DIP2B: variants seen among roughly 807,000 people sequenced by gnomAD.
DIP2B encodes the protein disco-interacting protein 2 homolog B.
DIP2B carries 76 observed loss-of-function variants against 198.0 expected under a neutral mutation model. That is an observed-to-expected ratio of 0.38 (90% CI 0.32 to 0.46). DIP2B has a LOEUF of 0.46. Among genes scored for constraint, DIP2B ranks in the 20% least tolerant of loss-of-function variants. The pLI is 0.99. For missense variants in DIP2B, 1,559 were observed against 1,978.4 expected (o/e 0.79, Z 4.02); for synonymous variants, 701 against 739.1 (o/e 0.95, Z 0.84).
intron 23 of DIP2B, among the ~76,000 whole-genome samples, chr12:50,716,814 C>T (rs890596143): frequency 2.0e-5 from 3 of 151,998 alleles, no homozygotes; most frequent in African/African-American, 7.2e-5. Flanking sequence ...AGGCGGATGA[C>T]CATGAAGAGA....
At chr12:50,660,969 TC>T (rs1206420077) in intron 4 of DIP2B, among the ~76,000 whole-genome samples, 4 of 152,174 alleles carry the variant, frequency 2.6e-5, no homozygotes, top group Admixed American at 6.5e-5. Flanking sequence ...CAGACTTCAA[TC>T]CTTATGCTCC....
chr12:50,644,975 G>C (rs936548406), intron 3 of DIP2B, among the ~76,000 whole-genome samples: 1 of 152,054 alleles, frequency 6.6e-6, no homozygotes, highest in Non-Finnish European at 1.5e-5. Context: ...TTTTAAGACA[G>C]CTAGGAATCA....
chr12:50,625,094 T>C (rs1309505810), intron 1 of DIP2B, among the ~76,000 whole-genome samples: 1 of 152,208 alleles, frequency 6.6e-6, no homozygotes, highest in Non-Finnish European at 1.5e-5. Flanking sequence ...TCACAGTAAA[T>C]AAAGTTATCT....
chr12:50,545,320 C>A (rs962260060), intron 1 of DIP2B, among the ~76,000 whole-genome samples: 1 of 150,404 alleles, frequency 6.6e-6, no homozygotes. Flanking sequence ...TCCTCCCTTC[C>A]TCCCTTCATC....
chr12:50,684,420 A>G (rs922032681), intron 10 of DIP2B, among the ~76,000 whole-genome samples: 12 of 152,218 alleles, frequency 7.9e-5, no homozygotes, highest in African/African-American at 2.7e-4. Context: ...TCCATGAGCC[A>G]CTTGATGCTA....
intron 1 of DIP2B, among the ~76,000 whole-genome samples, chr12:50,542,998 G>T (rs2139376922): frequency 6.6e-6 from 1 of 152,124 alleles, no homozygotes; most frequent in East Asian, 1.9e-4. Context: ...CTCCTAAGTA[G>T]CTGGGACTAC....
At chr12:50,686,435 A>C in intron 11 of DIP2B, 138 bp from the exon 12 acceptor site, 1 of 734,688 alleles carries the variant, frequency 1.4e-6, no homozygotes, top group Non-Finnish European at 2.2e-6. Context: ...TTGCCACTAA[A>C]AACTAATAAA....
Position 50,675,254 on chromosome 12 carries a change from GCTC to G in DIP2B, c.797-72_797-70del, listed in dbSNP as rs1938926467. ...ACGCCAAACATCCTTAGAAATAAAA[GCTC>G]CTGAGGGAACTGAGGAACTAAAATA... On this transcript the variant is annotated intron_variant, in intron 6 of 37. Transcript: ENST00000301180. 1.3e-5 allele frequency: 20 copies of G among 1,537,128 alleles called. 1 individual carries two copies. In the South Asian group the frequency reaches 1.9e-4, roughly 15 times the overall value.
chr12:50,577,844 C>T (rs889895666), intron 1 of DIP2B, among the ~76,000 whole-genome samples: 2 of 151,674 alleles, frequency 1.3e-5, no homozygotes, highest in African/African-American at 4.8e-5. Flanking sequence ...TTGGAAGAGT[C>T]AGGAGTACAG....
chr12:50,511,821 A>C (rs1211115674), intron 1 of DIP2B, among the ~76,000 whole-genome samples: 1 of 150,632 alleles, frequency 6.6e-6, no homozygotes, highest in Non-Finnish European at 1.5e-5. Flanking sequence ...GGTGGCTTGC[A>C]CCTGTAGTCC....
At chr12:50,533,158 AG>A (rs1463916983) in intron 1 of DIP2B, among the ~76,000 whole-genome samples, 1 of 152,230 alleles carries the variant, frequency 6.6e-6, no homozygotes, top group Non-Finnish European at 1.5e-5. Flanking sequence ...AGAATATTAA[AG>A]TGTCCATTTT....
intron 1 of DIP2B, among the ~76,000 whole-genome samples, chr12:50,548,940 C>T (rs1958400848): frequency 6.6e-6 from 1 of 152,198 alleles, no homozygotes; most frequent in Admixed American, 6.5e-5. Flanking sequence ...GTGCAGTTTT[C>T]TAGTGTTGCA....
At chr12:50,654,840 G>A (rs1938527138) in intron 3 of DIP2B, among the ~76,000 whole-genome samples, 1 of 152,190 alleles carries the variant, frequency 6.6e-6, no homozygotes, top group African/African-American at 2.4e-5. Flanking sequence ...ATTCTTAGCT[G>A]TCAAGTTGGC....
chr12:50,717,195 T>G (rs1208864270), intron 23 of DIP2B, among the ~76,000 whole-genome samples: 1 of 151,728 alleles, frequency 6.6e-6, no homozygotes, highest in Non-Finnish European at 1.5e-5. Context: ...TCTGCCCCCC[T>G]CTGCCTCCCA....
chr12:50,659,450 T>C (rs947483772), intron 3 of DIP2B, among the ~76,000 whole-genome samples: 7 of 152,070 alleles, frequency 4.6e-5, no homozygotes, highest in Non-Finnish European at 8.8e-5. Context: ...TCAGCTGTTA[T>C]CTACCTCAGT....
chr12:50,690,277 G>A (rs1005700998), intron 12 of DIP2B, among the ~76,000 whole-genome samples: 1 of 152,088 alleles, frequency 6.6e-6, no homozygotes, highest in African/African-American at 2.4e-5. Flanking sequence ...TAGTAGAGAC[G>A]TCGTTTCACC....
At chr12:50,561,918 A>T (rs1565825155) in intron 1 of DIP2B, among the ~76,000 whole-genome samples, 1 of 152,190 alleles carries the variant, frequency 6.6e-6, no homozygotes, top group Non-Finnish European at 1.5e-5. Context: ...CTGTTCTACC[A>T]TCTCTTTTAT....
intron 27 of DIP2B, among the ~76,000 whole-genome samples, chr12:50,724,199 G>A (rs534662529): frequency 9.2e-5 from 14 of 152,166 alleles, no homozygotes; most frequent in Non-Finnish European, 1.9e-4. Flanking sequence ...CTACAAAGTG[G>A]GCCAGAAAAG....
Position 50,684,963 on chromosome 12 carries a change from G to A in DIP2B, c.1318-870G>A, listed in dbSNP as rs549052588. Among the ~76,000 whole-genome samples, 10 of 152,104 alleles carry A rather than the reference G, an allele frequency of 6.6e-5. No homozygotes were observed. In the East Asian group the frequency reaches 1.2e-3, roughly 18 times the overall value. Reference sequence around the variant, plus strand: ...AAAAATTAGCCAGGCATGGTGGTGCGCTCCTGTAGTCCCAGCTACTTGGGA... The same window carrying A: ...AAAAATTAGCCAGGCATGGTGGTGCACTCCTGTAGTCCCAGCTACTTGGGA... On this transcript the variant is annotated intron_variant, in intron 10 of 37. Coordinates refer to ENST00000301180, the MANE Select transcript of DIP2B (RefSeq NM_173602.3).
Sources: gnomAD v4.1 joint callset for allele counts (sites outside exome capture counted in the v4.1 genomes callset) on GRCh38, gnomAD v4.1.1 for gene constraint, MANE v1.5 for transcripts, NCBI Gene and HGNC (gene_info 2026-07-23, HGNC 2026-07-21) for gene names.